C7: variants seen among roughly 807,000 people sequenced by gnomAD.
C7 encodes complement component C7.
A neutral mutation model predicts 104.8 loss-of-function variants in C7; 83 were observed. The ratio of observed to expected loss-of-function variants is 0.79; its 90% confidence interval spans 0.66 to 0.95. C7 has a LOEUF of 0.95. C7 is among the 40% of genes least tolerant of loss of function. C7 has a pLI of 0.00. For synonymous variants in C7, 415 were observed against 360.6 expected, an observed-to-expected ratio of 1.15 and a Z score of -1.71; for missense variants, 1,070 against 1,011.2, an observed-to-expected ratio of 1.06 and a Z score of -0.79.
At chr5:40,966,093 T>C (rs1365912885) in intron 14 of C7, among the ~76,000 whole-genome samples, 2 of 152,072 alleles carry the variant, frequency 1.3e-5, no homozygotes, top group African/African-American at 4.8e-5. Flanking sequence ...TTTTTTAATT[T>C]AATTTAATTT....
At chr5:40,922,737 T>G (rs1739467509) in intron 1 of C7, among the ~76,000 whole-genome samples, 2 of 148,466 alleles carry the variant, frequency 1.3e-5, no homozygotes, top group Non-Finnish European at 3.0e-5. Flanking sequence ...GAAAGGACAA[T>G]CTCTGTAAGA....
At chr5:40,956,500 T>G (rs1023324751) in intron 10 of C7, among the ~76,000 whole-genome samples, 5 of 152,242 alleles carry the variant, frequency 3.3e-5, no homozygotes, top group Admixed American at 2.0e-4. Context: ...GTGAAGCATT[T>G]TGTGTTCACC....
At position 40,945,234 on chromosome 5, in the gene C7, A is replaced by C. The variant is rs1168132530; in HGVS notation, c.604A>C (p.Asn202His). ...INNDFNYEFYNSTWSYVKHTS... is the reference protein window; with the variant it reads ...INNDFNYEFYHSTWSYVKHTS... The stretch of plus-strand genomic sequence containing the variant: ...TAATGATTTTAATTATGAATTTTAC[A>C]ATAGTACTTGGTCTTATGTAAAACA... The change falls in exon 7 of 18, where the codon AAT becomes CAT. Residue 202 changes from asparagine (N) to histidine (H), a missense_variant. Coordinates refer to ENST00000313164, the MANE Select transcript of C7 (RefSeq NM_000587.4). 1.3e-6 allele frequency: 2 copies of C among 1,540,812 alleles called. No homozygotes were observed. Among genetic ancestry groups the C allele is most frequent in the South Asian group, 1.2e-5 (1 of 80,874 alleles).
chr5:40,968,757 G>A (rs72749584), intron 14 of C7, among the ~76,000 whole-genome samples: 28,363 of 150,068 alleles, frequency 0.19, 3,129 homozygotes, highest in Middle Eastern at 0.38. Context: ...GATTATAGAC[G>A]CTTGCCACAG....
intron 10 of C7, among the ~76,000 whole-genome samples, chr5:40,956,418 AGTGTGTGTGT>A (rs891881808): frequency 1.3e-5 from 2 of 151,870 alleles, no homozygotes; most frequent in Non-Finnish European, 2.9e-5. Context: ...GGGGTGTGTG[AGTGTGTGTGT>A]GTGTCAACGC....
chr5:40,931,792 C>G (rs1454630422), intron 3 of C7, among the ~76,000 whole-genome samples: 1 of 152,170 alleles, frequency 6.6e-6, no homozygotes, highest in Non-Finnish European at 1.5e-5. Flanking sequence ...CGGAGTCTCC[C>G]TCTGTCGCCA....
chr5:40,948,345 G>A (rs949506742), intron 8 of C7, among the ~76,000 whole-genome samples: 8 of 152,088 alleles, frequency 5.3e-5, no homozygotes, highest in African/African-American at 1.7e-4. Flanking sequence ...CATGACAAGT[G>A]AGTTACATGT....
At chr5:40,950,050 AACTT>A (rs1319907079) in intron 9 of C7, 36 bp downstream of exon 9, 189 of 1,264,580 alleles carry the variant, frequency 1.5e-4, no homozygotes, top group Non-Finnish European at 2.1e-4. Context: ...TTGCAAGCTT[AACTT>A]CTTTTTTTTT....
rs370825368 is a variant in C7 at position 40,953,790 on chromosome 5, C to G, written c.1094-1597C>G. Among the ~76,000 whole-genome samples the G allele has an allele frequency of 2.6e-4, 40 of 152,062 alleles. 1 individual carries two copies. Among genetic ancestry groups the G allele is most frequent in the African/African-American group, 9.4e-4 (39 of 41,400 alleles). On this transcript the variant is annotated intron_variant, in intron 9 of 17. Transcript: ENST00000313164. ...AAACAAATGGTAAGGTGATGGATAT[C>G]CTAAATATCCTGATTTGATCATTAC...
chr5:40,958,864 C>T (rs1469601750), intron 11 of C7, among the ~76,000 whole-genome samples: 1 of 152,110 alleles, frequency 6.6e-6, no homozygotes, highest in East Asian at 1.9e-4. Context: ...CTGTTTGATT[C>T]CTTTCTTTAT....
At chr5:40,948,717 A>C (rs1274735044) in intron 8 of C7, among the ~76,000 whole-genome samples, 1 of 152,168 alleles carries the variant, frequency 6.6e-6, no homozygotes, top group African/African-American at 2.4e-5. Flanking sequence ...GTTCCAAGTC[A>C]AACCTTTTTT....
chr5:40,941,295 C>T (rs1579852177), intron 6 of C7, among the ~76,000 whole-genome samples: 1 of 151,894 alleles, frequency 6.6e-6, no homozygotes, highest in Non-Finnish European at 1.5e-5. Flanking sequence ...AACTCCTGTC[C>T]TCAAGTGATC....
At chr5:40,977,824 C>T (rs531811419) in intron 16 of C7, among the ~76,000 whole-genome samples, 1 of 152,202 alleles carries the variant, frequency 6.6e-6, no homozygotes. Flanking sequence ...GACTTAGTGG[C>T]CATTTTTAAA....
intron 7 of C7, among the ~76,000 whole-genome samples, chr5:40,945,776 A>C (rs933303609): frequency 6.6e-6 from 1 of 151,264 alleles, no homozygotes; most frequent in Non-Finnish European, 1.5e-5. Context: ...AGGTGGAAGG[A>C]TCACTTGAGC....
Position 40,959,597 on chromosome 5 carries a change from A to G in C7, c.1638A>G (p.Glu546=). ...AAACGACAGAAAGCACACAATGCGA[A>G]GATGAGGAGCTGGAGCACTTGAGGT... ...VGETTESTQC[E]DEELEHLRLL... Residue 546 remains glutamate (E), a synonymous_variant, in exon 12 of 18, where the codon GAA becomes GAG. Coordinates refer to ENST00000313164, the MANE Select transcript of C7 (RefSeq NM_000587.4). The G allele has an allele frequency of 6.2e-7, 1 of 1,603,690 alleles. No homozygotes were observed. The highest frequency in any genetic ancestry group is 1.1e-5 in the South Asian group (1 of 89,624).
chr5:40,949,360 CAA>C (rs397697540), intron 8 of C7, among the ~76,000 whole-genome samples: 9 of 127,824 alleles, frequency 7.0e-5, no homozygotes, highest in African/African-American at 1.7e-4. Flanking sequence ...AATGCATTGG[CAA>C]AAAAAAAAAA....
intron 1 of C7, among the ~76,000 whole-genome samples, chr5:40,917,915 C>T (rs1739353639): frequency 6.6e-6 from 1 of 151,936 alleles, no homozygotes; most frequent in Non-Finnish European, 1.5e-5. Context: ...TAAATTCTGA[C>T]ATCAAAAAAA....
In C7 at chr5:40,946,090, C is replaced by T. The variant is rs576366912; in HGVS notation, c.738+722C>T. Reference sequence around the variant, plus strand: ...ACAATTTTAAAAAATCTAATTAATGCTTATATATGCTTCTTAAATGCAAAT... The same window carrying T: ...ACAATTTTAAAAAATCTAATTAATGTTTATATATGCTTCTTAAATGCAAAT... On this transcript the variant is annotated intron_variant, in intron 7 of 17. Transcript: ENST00000313164. Among the ~76,000 whole-genome samples the T allele has an allele frequency of 8.9e-4, 135 of 151,586 alleles. No individual in the cohort carries two copies. In the Middle Eastern group the frequency reaches 0.024, roughly 27 times the overall value.
At chr5:40,974,751 T>C (rs1740778508) in intron 15 of C7, among the ~76,000 whole-genome samples, 2 of 152,204 alleles carry the variant, frequency 1.3e-5, no homozygotes, top group Non-Finnish European at 2.9e-5. Context: ...ACTTTTAAAA[T>C]CTAAAATTTC....
Sources: allele counts gnomAD v4.1 joint callset (sites outside exome capture counted in the v4.1 genomes callset), GRCh38; gene constraint gnomAD v4.1.1; transcripts MANE v1.5; gene names NCBI Gene and HGNC (gene_info 2026-07-23, HGNC 2026-07-21).